Variants in COLEC11 observed in about 807,000 individuals in gnomAD.
The protein encoded by COLEC11 is collectin subfamily member 11.
A neutral mutation model predicts 27.3 loss-of-function variants in COLEC11; 20 were observed. That is an observed-to-expected ratio of 0.73 (90% CI 0.51 to 1.06). COLEC11 has a LOEUF of 1.06. COLEC11 is among the 50% of genes least tolerant of loss of function. The pLI is 0.00. For synonymous variants in COLEC11, 163 were observed against 154.7 expected, an observed-to-expected ratio of 1.05 and a Z score of -0.40; for missense variants, 310 against 383.0, an observed-to-expected ratio of 0.81 and a Z score of 1.59.
chr2:3,622,530 A>G (rs908926226), intron 3 of COLEC11, among the ~76,000 whole-genome samples: 5 of 152,230 alleles, frequency 3.3e-5, no homozygotes, highest in African/African-American at 1.2e-4. Context: ...ATGTAATAGT[A>G]TTGAGAGAGT....
chr2:3,611,825 A>G (rs867997191), intron 2 of COLEC11, among the ~76,000 whole-genome samples: 5 of 151,934 alleles, frequency 3.3e-5, no homozygotes, highest in Non-Finnish European at 4.4e-5. Flanking sequence ...TTGTGGAGGG[A>G]TCTGTAATCT....
chr2:3,641,484 G>A, intron 5 of COLEC11: 2 of 1,195,618 alleles, frequency 1.7e-6, no homozygotes, highest in Non-Finnish European at 2.2e-6. Flanking sequence ...GGGCTGAGCT[G>A]CTATCGTCAG....
chr2:3,609,190 G>A (rs537048035), intron 2 of COLEC11, among the ~76,000 whole-genome samples: 6 of 152,304 alleles, frequency 3.9e-5, no homozygotes, highest in African/African-American at 1.4e-4. Flanking sequence ...AAGAAAACGT[G>A]TGTTAAATCC....
chr2:3,609,363 T>TGA lies in COLEC11; in HGVS notation c.131-3948_131-3947insGA, dbSNP rs1166814565. ...ACTATTTTTCTTTGATTTTTTTTTT[T>TGA]TTTTTTTTTTTTTTTTTTTTTTTAG... On this transcript the variant is annotated intron_variant, in intron 2 of 6. Coordinates refer to ENST00000349077, the MANE Select transcript of COLEC11 (RefSeq NM_024027.5). 4.9e-3 allele frequency among the ~76,000 whole-genome samples: 651 copies of TGA among 132,754 alleles called. 23 individuals carry two copies. Among genetic ancestry groups the TGA allele is most frequent in the African/African-American group, 0.017 (565 of 34,088 alleles). 87.1% of individuals were successfully genotyped at this position (132,754 alleles called of 152,430 possible). A position where few individuals can be genotyped will look rare whatever the true frequency, so the allele number is the denominator to read the frequency against.
intron 3 of COLEC11, among the ~76,000 whole-genome samples, chr2:3,619,996 TTCATCAGGG>T (rs1162726470): frequency 2.0e-5 from 3 of 152,254 alleles, no homozygotes; most frequent in African/African-American, 7.2e-5. Flanking sequence ...TGCATCTGTG[TTCATCAGGG>T]ATATTGGCCT....
intron 2 of COLEC11, among the ~76,000 whole-genome samples, chr2:3,611,317 A>T (rs943929356): frequency 1.3e-5 from 2 of 152,182 alleles, no homozygotes; most frequent in African/African-American, 2.4e-5. Context: ...CTTTCTGCGG[A>T]GTGGCTCCCG....
chr2:3,617,798 C>T (rs1663884322), intron 3 of COLEC11: 5 of 784,998 alleles, frequency 6.4e-6, no homozygotes, highest in African/African-American at 1.7e-5. Flanking sequence ...TACTGTTTTC[C>T]ATTCCCACCA....
At chr2:3,607,172 G>T (rs1662784422) in intron 2 of COLEC11, among the ~76,000 whole-genome samples, 1 of 151,938 alleles carries the variant, frequency 6.6e-6, no homozygotes, top group Non-Finnish European at 1.5e-5. Context: ...TCAGGCTGCC[G>T]CTGACTGCTG....
In COLEC11 at chr2:3,617,681, A is replaced by T. The variant is rs574831540; in HGVS notation, c.202+4299A>T. On this transcript the variant is annotated intron_variant, in intron 3 of 6. Transcript: ENST00000349077. ...CTCAGCCATATCGGGTTTGTCAGAC[A>T]TGGTTGTGGAGGAAAAGCGGAGCGA... is the stretch of plus-strand genomic sequence containing the variant. 3.7e-6 allele frequency: 6 copies of T among 1,611,618 alleles called. No homozygotes were observed. In the Admixed American group the frequency reaches 1.0e-4, roughly 27 times the overall value.
At chr2:3,642,734 C>G (rs1665963594) in intron 5 of COLEC11, among the ~76,000 whole-genome samples, 2 of 152,198 alleles carry the variant, frequency 1.3e-5, no homozygotes, top group Non-Finnish European at 2.9e-5. Context: ...GAGGGCCGCT[C>G]CAGCCATCCT....
intron 3 of COLEC11, among the ~76,000 whole-genome samples, chr2:3,614,087 C>T (rs1034855594): frequency 1.3e-5 from 2 of 151,670 alleles, no homozygotes; most frequent in Non-Finnish European, 2.9e-5. Context: ...AGCTATTCTC[C>T]TGCCTCAACC....
Position 3,637,554 on chromosome 2 carries a change from A to G in COLEC11, c.224A>G (p.Gln75Arg), listed in dbSNP as rs748696705. ...ACAGGAGACATGGGGGACAAAGGAC[A>G]GAAAGGCAGTGTGGGTCGTCATGGA... ...GEKGDMGDKG[Q>R]KGSVGRHGKI... Residue 75 changes from glutamine to arginine, a missense_variant, in exon 4 of 7, where the codon CAG (glutamine) becomes CGG (arginine). By Grantham distance (43) the Gln-to-Arg change is conservative (BLOSUM62 1). Coordinates refer to ENST00000349077, the MANE Select transcript of COLEC11 (RefSeq NM_024027.5). 4 of 1,614,214 alleles carry G rather than the reference A, an allele frequency of 2.5e-6. No individual in the cohort carries two copies. The highest frequency in any genetic ancestry group is 1.7e-5 in the Admixed American group (1 of 60,032).
intron 3 of COLEC11, among the ~76,000 whole-genome samples, chr2:3,613,776 G>A (rs143446385): frequency 4.5e-4 from 69 of 152,270 alleles, no homozygotes; most frequent in African/African-American, 1.6e-3. Context: ...CTCCTCCTTC[G>A]TAAAGTCGTG....
chr2:3,644,617 AAAC>A lies in COLEC11; in HGVS notation c.*508_*510del, dbSNP rs1367605461. On this transcript the variant is annotated 3_prime_UTR_variant, in exon 7 of 7. Coordinates refer to ENST00000349077, the MANE Select transcript of COLEC11 (RefSeq NM_024027.5). ...TTTGCTTCAAACCCAGATTTCAGGA[AAAC>A]AACAACAAAATTCTCCAAACTTTAC... 51 of 360,984 alleles carry A rather than the reference AAAC, an allele frequency of 1.4e-4. No homozygotes were observed. The highest frequency in any genetic ancestry group is 2.0e-3 in the Middle Eastern group (2 of 1,012). The allele number at this position is 360,984 out of a possible 1,614,324, so 22.4% of individuals were successfully genotyped here.
chr2:3,610,390 G>A (rs528600439), intron 2 of COLEC11, among the ~76,000 whole-genome samples: 1 of 152,304 alleles, frequency 6.6e-6, no homozygotes, highest in East Asian at 1.9e-4. Flanking sequence ...CTTCTTCCTG[G>A]TGCTCTGGGG....
At chr2:3,638,638 A>C (rs1440076996) in intron 4 of COLEC11, among the ~76,000 whole-genome samples, 1 of 152,072 alleles carries the variant, frequency 6.6e-6, no homozygotes, top group African/African-American at 2.4e-5. Flanking sequence ...ACCTGGTAGA[A>C]AGGGCTCTGT....
chr2:3,636,042 G>A (rs921156501), intron 3 of COLEC11, among the ~76,000 whole-genome samples: 1 of 152,198 alleles, frequency 6.6e-6, no homozygotes, highest in African/African-American at 2.4e-5. Context: ...CTGAATTGGG[G>A]GAACGTTACA....
chr2:3,607,593 G>A (rs933427906), intron 2 of COLEC11, among the ~76,000 whole-genome samples: 14 of 151,700 alleles, frequency 9.2e-5, no homozygotes, highest in Admixed American at 2.0e-4. Flanking sequence ...GACTATAGGC[G>A]CGCACCATCA....
chr2:3,643,789 T>A lies in COLEC11; in HGVS notation c.487T>A (p.Tyr163Asn), dbSNP rs1167155739. Residue 163 changes from tyrosine (Y) to asparagine (N), a missense_variant, in exon 7 of 7, where the codon TAC becomes AAC. Tyr to Asn is a moderately radical substitution (Grantham distance 143, BLOSUM62 -2). Coordinates refer to ENST00000349077, the MANE Select transcript of COLEC11 (RefSeq NM_024027.5). ...IYLLVKEEKRYADAQLSCQGR... is the reference protein window; with the variant it reads ...IYLLVKEEKRNADAQLSCQGR... ...CCTGCTGGTGAAGGAGGAGAAGCGC[T>A]ACGCGGACGCCCAGCTGTCCTGCCA... The A allele has an allele frequency of 1.2e-6, 2 of 1,613,594 alleles. No homozygotes were observed. The highest frequency in any genetic ancestry group is 1.7e-6 in the Non-Finnish European group (2 of 1,179,952).
Sources: gnomAD v4.1 joint callset for allele counts (sites outside exome capture counted in the v4.1 genomes callset) on GRCh38, gnomAD v4.1.1 for gene constraint, MANE v1.5 for transcripts, NCBI Gene and HGNC (gene_info 2026-07-23, HGNC 2026-07-21) for gene names.